SMYD2: variants seen among roughly 807,000 people sequenced by gnomAD.
SMYD2 encodes the protein SET and MYND domain containing 2, also known as N-lysine methyltransferase SMYD2.
A neutral mutation model predicts 59.1 loss-of-function variants in SMYD2; 53 were observed. That is an observed-to-expected ratio of 0.90 (90% CI 0.72 to 1.13). The LOEUF (loss-of-function observed/expected upper bound fraction) is 1.13, where lower values mean the gene tolerates loss of function less well. SMYD2 is among the 50% of genes most tolerant of loss of function. The pLI is 0.00. For synonymous variants in SMYD2, 208 were observed against 198.8 expected (o/e 1.05, Z -0.39); for missense variants, 494 against 544.7 (o/e 0.91, Z 0.93).
chr1:214,324,228 C>T (rs191176712), intron 5 of SMYD2, among the ~76,000 whole-genome samples: 42 of 152,308 alleles, frequency 2.8e-4, no homozygotes, highest in East Asian at 1.2e-3. Context: ...TGAGCTACCA[C>T]GCCCAGCCAG....
rs559485222 is a variant in SMYD2 at position 214,290,229 on chromosome 1, G to C, written c.173+8802G>C. Among the ~76,000 whole-genome samples, 3 of 152,304 alleles carry C rather than the reference G, an allele frequency of 2.0e-5. No individual in the cohort carries two copies. The East Asian group carries it at 5.8e-4, about 29-fold the overall frequency. On this transcript the variant is annotated intron_variant, in intron 1 of 11. Transcript: ENST00000366957. The stretch of plus-strand genomic sequence containing the variant: ...GAAAATAATACAAAAAAGTCTTGAA[G>C]GTTCAGGAAACAACTTATCTTTCTA...
intron 5 of SMYD2, among the ~76,000 whole-genome samples, chr1:214,322,970 C>T (rs9430133): frequency 0.29 from 44,824 of 151,980 alleles, 6,958 homozygotes; most frequent in Non-Finnish European, 0.34. Context: ...GTGCAGTGTC[C>T]CCAAGTGCAG....
intron 2 of SMYD2, among the ~76,000 whole-genome samples, chr1:214,306,384 C>T (rs1656915788): frequency 6.6e-6 from 1 of 152,106 alleles, no homozygotes; most frequent in Non-Finnish European, 1.5e-5. Context: ...CTGTAGCGCC[C>T]CAGGGACAGC....
chr1:214,289,220 G>T (rs1011525379), intron 1 of SMYD2, among the ~76,000 whole-genome samples: 1 of 152,188 alleles, frequency 6.6e-6, no homozygotes, highest in African/African-American at 2.4e-5. Flanking sequence ...CAGCAAAATT[G>T]TCTCTTTTAG....
intron 6 of SMYD2, among the ~76,000 whole-genome samples, chr1:214,325,036 A>G (rs1657239564): frequency 6.6e-6 from 1 of 152,198 alleles, no homozygotes; most frequent in Non-Finnish European, 1.5e-5. Flanking sequence ...AAATCTTTCC[A>G]TTTCTTATGC....
At position 214,331,000 on chromosome 1, in the gene SMYD2, A is replaced by G. The variant is rs1176958828; in HGVS notation, c.867A>G (p.Glu289=). The change falls in exon 9 of 12, where the codon GAA becomes GAG. Residue 289 remains glutamate (E), a synonymous_variant. Transcript: ENST00000366957. The part of the protein sequence containing the change: ...IRKLSDPPKA[E]AIRDMVRYAR... ...AGCTCAGCGATCCCCCAAAGGCAGA[A>G]GCCATCCGAGACATGGTCAGATATG... 2.5e-6 allele frequency: 4 copies of G among 1,614,106 alleles called. No homozygotes were observed. Among genetic ancestry groups the G allele is most frequent in the Non-Finnish European group, 3.4e-6 (4 of 1,180,054 alleles).
chr1:214,318,539 C>T lies in SMYD2; in HGVS notation c.410-320C>T, dbSNP rs1470647352. ...CCAGATTCCCGGGCCAATTGGGGGG[C>T]CCTTGACTAGGCTGAGGCTGGTTAT... On this transcript the variant is annotated intron_variant, in intron 4 of 11. Transcript: ENST00000366957. This position sits in a 1 kb window ranked among gnomAD's most constrained non-coding sequence, Gnocchi z 5.4. 6.6e-6 allele frequency among the ~76,000 whole-genome samples: 1 copy of T among 152,084 alleles called. No homozygotes were observed. The highest frequency in any genetic ancestry group is 1.5e-5 in the Non-Finnish European group (1 of 68,016).
Position 214,315,804 on chromosome 1 carries a change from A to G in SMYD2, c.348+932A>G, listed in dbSNP as rs150770969. ...TGCCTGAGAGCAAGATTTGTGCTCA[A>G]GATTGTATTGACCTAAGGCAGGATT... On this transcript the variant is annotated intron_variant, in intron 3 of 11. Transcript: ENST00000366957. Among the ~76,000 whole-genome samples the G allele has an allele frequency of 5.0e-3, 769 of 152,338 alleles. 8 individuals are homozygous for G. Among genetic ancestry groups the G allele is most frequent in the African/African-American group, 0.018 (739 of 41,568 alleles).
In SMYD2 at chr1:214,294,602, CA is replaced by C. The variant is rs139860616; in HGVS notation, c.174-10584del. Among the ~76,000 whole-genome samples, 1,130 of 152,280 alleles carry C rather than the reference CA, an allele frequency of 7.4e-3. 17 individuals are homozygous for C. Among genetic ancestry groups the C allele is most frequent in the African/African-American group, 0.026 (1,065 of 41,552 alleles). ...AGGAGAATCTCTTGAACCCGGGAGG[CA>C]GAGGTTGTAGTGATCCAAGATTGTG... On this transcript the variant is annotated intron_variant, in intron 1 of 11. Coordinates refer to ENST00000366957, the MANE Select transcript of SMYD2 (RefSeq NM_020197.3).
At chr1:214,281,507 C>A (rs1384006161) in intron 1 of SMYD2, 80 bp downstream of exon 1, 146 of 1,133,564 alleles carry the variant, frequency 1.3e-4, no homozygotes, top group Non-Finnish European at 1.6e-4. Context: ...CCAGGAAGTG[C>A]GTGCGGCTCG....
chr1:214,291,471 G>C (rs923573787), intron 1 of SMYD2, among the ~76,000 whole-genome samples: 9 of 152,184 alleles, frequency 5.9e-5, no homozygotes, highest in Non-Finnish European at 1.3e-4. Context: ...GACCTACCCT[G>C]CCCCTCAGTC....
chr1:214,324,993 A>T (rs963428769), intron 6 of SMYD2, among the ~76,000 whole-genome samples: 1 of 152,246 alleles, frequency 6.6e-6, no homozygotes, highest in African/African-American at 2.4e-5. Flanking sequence ...TGCCCTGCTG[A>T]GAAATTTGCT....
chr1:214,294,596 G>A (rs763425750), intron 1 of SMYD2, among the ~76,000 whole-genome samples: 1 of 152,068 alleles, frequency 6.6e-6, no homozygotes, highest in African/African-American at 2.4e-5. Context: ...TCTTGAACCC[G>A]GGAGGCAGAG....
intron 1 of SMYD2, among the ~76,000 whole-genome samples, chr1:214,292,548 A>G (rs1261251501): frequency 1.3e-5 from 2 of 152,234 alleles, no homozygotes; most frequent in African/African-American, 2.4e-5. Context: ...CAAGAAGACT[A>G]GCCTCTGTTA....
intron 6 of SMYD2, among the ~76,000 whole-genome samples, chr1:214,325,706 G>A (rs1280466361): frequency 6.8e-6 from 1 of 147,270 alleles, no homozygotes; most frequent in Non-Finnish European, 1.5e-5. Context: ...GTTTGTTCAT[G>A]TAATATTTGT....
At chr1:214,298,591 ACAGAG>A (rs1656769378) in intron 1 of SMYD2, among the ~76,000 whole-genome samples, 1 of 152,216 alleles carries the variant, frequency 6.6e-6, no homozygotes, top group African/African-American at 2.4e-5. Flanking sequence ...GAAACTATCA[ACAGAG>A]CAAACAGACA....
intron 1 of SMYD2, among the ~76,000 whole-genome samples, chr1:214,300,159 A>G (rs964032800): frequency 3.3e-5 from 5 of 152,228 alleles, no homozygotes; most frequent in Non-Finnish European, 7.3e-5. Flanking sequence ...GAAAATTTAC[A>G]TATAACCAGG....
At chr1:214,334,143 G>C in intron 10 of SMYD2, 57 bp from the exon 11 acceptor site, 1 of 1,519,936 alleles carries the variant, frequency 6.6e-7, no homozygotes, top group Non-Finnish European at 9.1e-7. Context: ...CACCCAGCCT[G>C]TGGGGCGGCT....
At chr1:214,332,376 T>C in intron 10 of SMYD2, 184 bp downstream of exon 10, 1 of 610,102 alleles carries the variant, frequency 1.6e-6, no homozygotes, top group Admixed American at 3.3e-5. Context: ...CTCACCATCA[T>C]CCCAAGGAGA....
Sources: allele counts gnomAD v4.1 joint callset (sites outside exome capture counted in the v4.1 genomes callset), GRCh38; gene constraint gnomAD v4.1.1; non-coding constraint Gnocchi (gnomAD v3.1); transcripts MANE v1.5; gene names NCBI Gene and HGNC (gene_info 2026-07-23, HGNC 2026-07-21).